GTF2H3: variants seen among roughly 807,000 people sequenced by gnomAD.
GTF2H3 encodes TFIIH basal transcription factor complex p34 subunit.
GTF2H3 carries 42 observed loss-of-function variants against 51.1 expected under a neutral mutation model. The ratio of observed to expected loss-of-function variants is 0.82; its 90% confidence interval spans 0.64 to 1.06. The LOEUF is 1.06. Among genes scored for constraint, GTF2H3 ranks in the 50% least tolerant of loss-of-function variants. The pLI, the probability that GTF2H3 is intolerant of heterozygous loss-of-function variation, is 0.00. For synonymous variants in GTF2H3, 123 were observed against 123.8 expected, an observed-to-expected ratio of 0.99 and a Z score of 0.04; for missense variants, 326 against 366.1, an observed-to-expected ratio of 0.89 and a Z score of 0.89.
At chr12:123,637,782 C>T (rs1002692525) in intron 1 of GTF2H3, among the ~76,000 whole-genome samples, 1 of 152,090 alleles carries the variant, frequency 6.6e-6, no homozygotes, top group Non-Finnish European at 1.5e-5. Flanking sequence ...GGATGGGCGC[C>T]CAGCCTGGTT....
intron 2 of GTF2H3, 106 bp downstream of exon 2, chr12:123,639,449 T>A (rs1955336392): frequency 1.6e-6 from 1 of 635,444 alleles, no homozygotes; most frequent in Non-Finnish European, 2.9e-6. Flanking sequence ...TACTGTAATA[T>A]TCAGCCACTG....
chr12:123,652,750 T>C lies in GTF2H3; in HGVS notation c.486+15T>C, dbSNP rs1479721554. ...CAAGGATATTGGTAAGATAAAAAAA[T>C]CATTACTTTTTTATATGACAACTAT... On this transcript the variant is annotated intron_variant, in intron 7 of 12. Transcript: ENST00000543341. 3 of 1,478,064 alleles carry C rather than the reference T, an allele frequency of 2.0e-6. No individual in the cohort carries two copies. Among genetic ancestry groups the C allele is most frequent in the Non-Finnish European group, 2.7e-6 (3 of 1,095,562 alleles). The allele number at this position is 1,478,064 out of a possible 1,614,324, so 91.6% of individuals were successfully genotyped here. A position where few individuals can be genotyped will look rare whatever the true frequency, so the allele number is the denominator to read the frequency against.
chr12:123,650,928 C>A, intron 4 of GTF2H3, 66 bp from the exon 5 acceptor site: 1 of 972,576 alleles, frequency 1.0e-6, no homozygotes, highest in Admixed American at 1.8e-5. Context: ...TTCAATAAAG[C>A]ACCCAATGAT....
intron 3 of GTF2H3, among the ~76,000 whole-genome samples, chr12:123,646,927 G>A (rs911523348): frequency 4.6e-5 from 7 of 150,748 alleles, no homozygotes; most frequent in Non-Finnish European, 3.0e-5. Context: ...CGAGGCGGGC[G>A]GATCACGAGA....
At chr12:123,648,678 C>T (rs1167351079) in intron 4 of GTF2H3, among the ~76,000 whole-genome samples, 3 of 152,214 alleles carry the variant, frequency 2.0e-5, no homozygotes, top group South Asian at 4.1e-4. Context: ...TGTCAGCTCC[C>T]ATCCAAGTAG....
chr12:123,655,054 C>G (rs1201754100), intron 8 of GTF2H3, 56 bp downstream of exon 8: 3 of 1,337,042 alleles, frequency 2.2e-6, no homozygotes, highest in Middle Eastern at 1.8e-4. Context: ...GAGTCAATTT[C>G]ATTTTTTGAA....
chr12:123,650,047 A>G (rs1955501022), intron 4 of GTF2H3: 1 of 152,124 alleles, frequency 6.6e-6, no homozygotes, highest in Admixed American at 6.6e-5. Context: ...TGGTTCCAGA[A>G]TCTCACCTTG....
chr12:123,647,132 G>A (rs781724862), intron 3 of GTF2H3, among the ~76,000 whole-genome samples: 35 of 137,502 alleles, frequency 2.5e-4, no homozygotes, highest in East Asian at 1.1e-3. Flanking sequence ...CAGCCTGGGC[G>A]ACAGAGCAAG....
intron 9 of GTF2H3, 28 bp downstream of exon 9, chr12:123,655,852 G>T (rs371746742): frequency 1.3e-6 from 2 of 1,482,346 alleles, no homozygotes; most frequent in Non-Finnish European, 1.9e-6. Flanking sequence ...GCTTTGTGTC[G>T]GTGGTTATGA....
At chr12:123,651,937 T>G (rs1249775055) in intron 5 of GTF2H3, among the ~76,000 whole-genome samples, 3 of 152,162 alleles carry the variant, frequency 2.0e-5, no homozygotes, top group African/African-American at 7.2e-5. Context: ...TCAGGGTGCT[T>G]TCTTGTTTCT....
intron 1 of GTF2H3, among the ~76,000 whole-genome samples, chr12:123,634,389 C>G (rs1224884365): frequency 6.6e-6 from 1 of 152,138 alleles, no homozygotes; most frequent in East Asian, 1.9e-4. Context: ...CTTCAGTGAG[C>G]TATTATGGCA....
chr12:123,645,033 T>A (rs1955427248), intron 2 of GTF2H3, among the ~76,000 whole-genome samples: 1 of 152,204 alleles, frequency 6.6e-6, no homozygotes, highest in Non-Finnish European at 1.5e-5. Flanking sequence ...CCTGAGCAAA[T>A]TTTTAACAGT....
chr12:123,639,085 A>G (rs1955331207), intron 1 of GTF2H3, among the ~76,000 whole-genome samples, 179 bp from the exon 2 acceptor site: 1 of 152,166 alleles, frequency 6.6e-6, no homozygotes, highest in African/African-American at 2.4e-5. Context: ...GTGAGCCACC[A>G]CGCCCTGCCC....
intron 8 of GTF2H3, 55 bp from the exon 9 acceptor site, chr12:123,655,716 T>G (rs1955578475): frequency 9.7e-7 from 1 of 1,027,126 alleles, no homozygotes; most frequent in Non-Finnish European, 1.5e-6. Context: ...GTTCTCAGTA[T>G]AGGGTAATCA....
At chr12:123,636,865 C>T (rs947907372) in intron 1 of GTF2H3, among the ~76,000 whole-genome samples, 2 of 151,856 alleles carry the variant, frequency 1.3e-5, no homozygotes, top group Non-Finnish European at 2.9e-5. Context: ...TGCGGTGAGC[C>T]GAGATCGCGC....
intron 2 of GTF2H3, 113 bp downstream of exon 2, chr12:123,639,456 A>T: frequency 1.6e-6 from 1 of 607,424 alleles, no homozygotes; most frequent in Middle Eastern, 3.2e-4. Flanking sequence ...ATATTCAGCC[A>T]CTGTACAATT....
chr12:123,637,693 G>A (rs1180273133), intron 1 of GTF2H3, among the ~76,000 whole-genome samples: 13 of 151,702 alleles, frequency 8.6e-5, no homozygotes, highest in African/African-American at 1.2e-4. Context: ...TAGTAGGGAC[G>A]GGGTTTTGCC....
intron 2 of GTF2H3, among the ~76,000 whole-genome samples, chr12:123,644,716 C>T (rs1168347390): frequency 6.6e-6 from 1 of 151,382 alleles, no homozygotes; most frequent in Non-Finnish European, 1.5e-5. Flanking sequence ...TACTGAGCAA[C>T]AACTATATTG....
chr12:123,647,617 A>C (rs1955466208), intron 3 of GTF2H3, among the ~76,000 whole-genome samples: 1 of 152,160 alleles, frequency 6.6e-6, no homozygotes, highest in Non-Finnish European at 1.5e-5. Context: ...TTGTCATTTG[A>C]GAAAGGAAGG....
Sources: allele counts gnomAD v4.1 joint callset (sites outside exome capture counted in the v4.1 genomes callset), GRCh38; gene constraint gnomAD v4.1.1; transcripts MANE v1.5; gene names NCBI Gene and HGNC (gene_info 2026-07-23, HGNC 2026-07-21).